CPNE4: variants seen among roughly 807,000 people sequenced by gnomAD.
CPNE4 encodes the protein copine-4.
In CPNE4, 25 loss-of-function variants were observed where a neutral mutation model predicts 67.9. The observed-to-expected ratio is 0.37, with a 90% CI of 0.27 to 0.51. The LOEUF is 0.51. Ranked by LOEUF, CPNE4 falls within the 20% of genes least tolerant of loss-of-function variation. The pLI, the probability that CPNE4 is intolerant of heterozygous loss-of-function variation, is 0.93. For synonymous variants in CPNE4, 242 were observed against 244.9 expected, an observed-to-expected ratio of 0.99 and a Z score of 0.11; for missense variants, 464 against 690.8, an observed-to-expected ratio of 0.67 and a Z score of 3.68.
chr3:131,585,217 T>G (rs1938100656), intron 8 of CPNE4, among the ~76,000 whole-genome samples: 1 of 152,228 alleles, frequency 6.6e-6, no homozygotes, highest in African/African-American at 2.4e-5. Flanking sequence ...CAAATTGTAG[T>G]TGCATTTTAA....
chr3:131,864,095 T>C (rs1307063572), intron 2 of CPNE4, among the ~76,000 whole-genome samples: 1 of 151,922 alleles, frequency 6.6e-6, no homozygotes, highest in African/African-American at 2.4e-5. Context: ...ACCATGCTGT[T>C]TTGGTTACTG....
chr3:131,678,201 G>A (rs2080637976), intron 6 of CPNE4, among the ~76,000 whole-genome samples: 2 of 151,970 alleles, frequency 1.3e-5, no homozygotes, highest in African/African-American at 4.8e-5. Context: ...TAGCAATTGT[G>A]AATGGGAGTT....
chr3:131,687,943 T>C (rs2080935853), intron 5 of CPNE4, among the ~76,000 whole-genome samples: 1 of 152,130 alleles, frequency 6.6e-6, no homozygotes, highest in African/African-American at 2.4e-5. Context: ...CCCCAAGTAA[T>C]TTAATAAGAC....
intron 2 of CPNE4, among the ~76,000 whole-genome samples, chr3:131,744,224 G>A (rs898090247): frequency 5.5e-4 from 83 of 151,964 alleles, no homozygotes; most frequent in Middle Eastern, 6.8e-3. Context: ...TTGGTAAGAT[G>A]CCTGAAAACA....
At chr3:131,700,052 AC>A (rs1364250074) in intron 3 of CPNE4, 72 bp from the exon 4 acceptor site, 24 of 643,936 alleles carry the variant, frequency 3.7e-5, no homozygotes, top group African/African-American at 2.3e-4. Flanking sequence ...TATTTTTTAA[AC>A]CTTTTTTTTT....
chr3:131,634,788 ATCCTAGG>A (rs1246691861), intron 7 of CPNE4, among the ~76,000 whole-genome samples: 1 of 152,196 alleles, frequency 6.6e-6, no homozygotes, highest in Non-Finnish European at 1.5e-5. Context: ...AAAAGAGACT[ATCCTAGG>A]TCTTATGTCA....
chr3:131,625,446 T>C (rs933123686), intron 7 of CPNE4, among the ~76,000 whole-genome samples: 2 of 152,188 alleles, frequency 1.3e-5, no homozygotes, highest in East Asian at 1.9e-4. Flanking sequence ...GACTTCTACC[T>C]AATTCTGAGA....
chr3:131,744,434 C>A (rs1332568664), intron 2 of CPNE4, among the ~76,000 whole-genome samples: 1 of 152,086 alleles, frequency 6.6e-6, no homozygotes. Context: ...AATAAAGAGA[C>A]CCCCTTGTAC....
chr3:131,815,231 G>A (rs2084690589), intron 2 of CPNE4, among the ~76,000 whole-genome samples: 1 of 152,150 alleles, frequency 6.6e-6, no homozygotes, highest in Admixed American at 6.5e-5. Flanking sequence ...TGAGGAATTA[G>A]GTTCTGAGAT....
intron 9 of CPNE4, among the ~76,000 whole-genome samples, chr3:131,576,166 A>G (rs1335848050): frequency 6.6e-6 from 1 of 152,088 alleles, no homozygotes; most frequent in Non-Finnish European, 1.5e-5. Context: ...GACCCAAAAA[A>G]TCAGTGTTGG....
intron 1 of CPNE4, among the ~76,000 whole-genome samples, chr3:131,969,624 C>T (rs1489879789): frequency 1.3e-5 from 2 of 151,800 alleles, no homozygotes; most frequent in South Asian, 2.1e-4. Flanking sequence ...AGTGGAGACT[C>T]GGTAACTTAC....
intron 9 of CPNE4, among the ~76,000 whole-genome samples, chr3:131,576,588 A>C (rs1017080201): frequency 2.0e-5 from 3 of 152,106 alleles, no homozygotes; most frequent in Non-Finnish European, 4.4e-5. Context: ...TATCTGTAAG[A>C]AGAGTTTATT....
Position 131,662,958 on chromosome 3 carries a change from C to T in CPNE4, c.681+6717G>A, listed in dbSNP as rs1222943650. Among the ~76,000 whole-genome samples, 3 of 152,100 alleles carry T rather than the reference C, an allele frequency of 2.0e-5. No individual in the cohort carries two copies. The East Asian group carries it at 5.8e-4, about 29-fold the overall frequency. ...ACCATTTGACCCAGCAATCCTGTTA[C>T]AGGTATATACCCAAAGGATTATAAA... is the stretch of plus-strand genomic sequence containing the variant. On this transcript the variant is annotated intron_variant, in intron 7 of 15. Transcript: ENST00000429747.
In CPNE4 at chr3:131,629,650, G is replaced by A. The variant is rs572797609; in HGVS notation, c.681+40025C>T. Among the ~76,000 whole-genome samples, 8 of 152,182 alleles carry A rather than the reference G, an allele frequency of 5.3e-5. No individual in the cohort carries two copies. In the East Asian group the frequency reaches 1.6e-3, roughly 30 times the overall value. On this transcript the variant is annotated intron_variant, in intron 7 of 15. Coordinates refer to ENST00000429747, the MANE Select transcript of CPNE4 (RefSeq NM_130808.3). ...AGTAGAGATGGGGTTTTACCATGTT[G>A]GCCAGGCTGGTCTCGAACTCCTGGC...
intron 2 of CPNE4, among the ~76,000 whole-genome samples, chr3:131,799,930 TG>T (rs1241412922): frequency 1.1e-5 from 1 of 90,764 alleles, no homozygotes. Flanking sequence ...TGTGTGTGTG[TG>T]TGTGTGTGTG....
At chr3:131,961,951 G>A (rs902598078) in intron 1 of CPNE4, among the ~76,000 whole-genome samples, 4 of 152,018 alleles carry the variant, frequency 2.6e-5, no homozygotes, top group African/African-American at 7.3e-5. Context: ...GTTTCTCAAC[G>A]TTATCTCTAT....
rs565651978 is a variant in CPNE4 at position 131,963,815 on chromosome 3, C to A, written c.-1-58371G>T. ...GAGCAGCTGTTGGCACTACGGCAGA[C>A]TTAAATATTCCTGCCTGCTGGCTCT... On this transcript the variant is annotated intron_variant, in intron 1 of 15. Transcript: ENST00000429747. 2.0e-5 allele frequency among the ~76,000 whole-genome samples: 3 copies of A among 152,330 alleles called. No homozygotes were observed. In the South Asian group the frequency reaches 6.2e-4, roughly 32 times the overall value.
At chr3:131,922,239 A>G (rs1357894608) in intron 1 of CPNE4, among the ~76,000 whole-genome samples, 6 of 152,186 alleles carry the variant, frequency 3.9e-5, no homozygotes, top group Admixed American at 1.3e-4. Flanking sequence ...ATGTTGCTAC[A>G]AAGGATATGA....
chr3:131,690,302 C>A (rs762826557), intron 5 of CPNE4, among the ~76,000 whole-genome samples: 1 of 152,114 alleles, frequency 6.6e-6, no homozygotes, highest in Non-Finnish European at 1.5e-5. Context: ...TATAAGGCTA[C>A]AATAACCAAA....
Sources: allele counts gnomAD v4.1 joint callset (sites outside exome capture counted in the v4.1 genomes callset), GRCh38; gene constraint gnomAD v4.1.1; transcripts MANE v1.5; gene names NCBI Gene and HGNC (gene_info 2026-07-23, HGNC 2026-07-21).